The following SUGCT variants were observed in gnomAD, a reference collection of about 807,000 sequenced individuals.
SUGCT encodes succinyl-CoA:glutarate-CoA transferase.
A neutral mutation model predicts 55.0 loss-of-function variants in SUGCT; 41 were observed. The ratio of observed to expected loss-of-function variants is 0.74; its 90% CI spans 0.58 to 0.97. The LOEUF is 0.97. Among genes scored for constraint, SUGCT ranks in the 50% least tolerant of loss-of-function variants. SUGCT has a pLI of 0.00. For synonymous variants in SUGCT, 187 were observed against 200.4 expected (o/e 0.93, Z 0.56); for missense variants, 568 against 547.8 (o/e 1.04, Z -0.37).
chr7:40,850,865 A>C (rs566984126), intron 13 of SUGCT, among the ~76,000 whole-genome samples: 6 of 152,366 alleles, frequency 3.9e-5, no homozygotes, highest in African/African-American at 1.4e-4. Context: ...GTCTGAAATT[A>C]GCAGGTGATC....
intron 11 of SUGCT, among the ~76,000 whole-genome samples, chr7:40,473,982 A>G (rs959025757): frequency 8.6e-5 from 13 of 151,740 alleles, no homozygotes; most frequent in African/African-American, 3.2e-4. Context: ...TCTCTCTCTC[A>G]GCTACTATTA....
the SUGCT span, among the ~76,000 whole-genome samples, chr7:41,025,531 A>G: frequency 0.1 from 15,677 of 151,950 alleles, 1,723 homozygotes; most frequent in African/African-American, 0.27. Context: ...CACCACTACT[A>G]AAAATAGTAG....
intron 13 of SUGCT, among the ~76,000 whole-genome samples, chr7:40,837,119 T>C (rs1793024961): frequency 6.6e-6 from 1 of 152,218 alleles, no homozygotes; most frequent in South Asian, 2.1e-4. Flanking sequence ...CAATATTCCT[T>C]ATTTTAGTCA....
chr7:40,845,543 A>C (rs1258143956), intron 13 of SUGCT, among the ~76,000 whole-genome samples: 1 of 152,188 alleles, frequency 6.6e-6, no homozygotes, highest in Non-Finnish European at 1.5e-5. Flanking sequence ...ATTTTCAGAG[A>C]TAGGACTGTG....
chr7:40,984,449 A>T, the SUGCT span, among the ~76,000 whole-genome samples: 1 of 152,170 alleles, frequency 6.6e-6, no homozygotes, highest in Non-Finnish European at 1.5e-5. Flanking sequence ...CATACAGGTG[A>T]TGAAGCCAGA....
chr7:40,413,537 T>TAATTGTATTGTA (rs1786807494), intron 9 of SUGCT, among the ~76,000 whole-genome samples: 2 of 152,194 alleles, frequency 1.3e-5, no homozygotes, highest in African/African-American at 4.8e-5. Flanking sequence ...GGAATGTACA[T>TAATTGTATTGTA]TTTAAATGCA....
chr7:40,862,324 G>A (rs536348714), downstream of SUGCT, among the ~76,000 whole-genome samples: 154 of 152,246 alleles, frequency 1.0e-3, no homozygotes, highest in Middle Eastern at 3.4e-3. Flanking sequence ...CTCCACCTAC[G>A]CAAGTCAAAA....
intron 12 of SUGCT, among the ~76,000 whole-genome samples, chr7:40,713,076 G>T (rs1785809968): frequency 6.6e-6 from 1 of 152,190 alleles, no homozygotes; most frequent in Non-Finnish European, 1.5e-5. Flanking sequence ...GAGGAGGAGG[G>T]GGTGCGGTTG....
intron 6 of SUGCT, among the ~76,000 whole-genome samples, chr7:40,196,457 T>C (rs1055086747): frequency 6.6e-5 from 10 of 152,038 alleles, no homozygotes; most frequent in Non-Finnish European, 1.3e-4. Flanking sequence ...TAGGTTAGGG[T>C]GATAGATAGT....
At chr7:40,723,882 C>T (rs1786476146) in intron 12 of SUGCT, among the ~76,000 whole-genome samples, 1 of 152,158 alleles carries the variant, frequency 6.6e-6, no homozygotes, top group African/African-American at 2.4e-5. Flanking sequence ...CCAGTTCCTA[C>T]CACCTAGCAG....
the SUGCT span, among the ~76,000 whole-genome samples, chr7:40,956,983 C>G: frequency 7.2e-5 from 11 of 151,950 alleles, no homozygotes; most frequent in African/African-American, 2.7e-4. Flanking sequence ...GTCTGAGAGA[C>G]AGTTTGTTAT....
At chr7:40,857,559 A>G (rs1449666305) in intron 13 of SUGCT, among the ~76,000 whole-genome samples, 1 of 106,842 alleles carries the variant, frequency 9.4e-6, no homozygotes, top group African/African-American at 3.6e-5. Flanking sequence ...GGAAGCTACC[A>G]GAAAAGTATG....
intron 12 of SUGCT, among the ~76,000 whole-genome samples, chr7:40,739,214 G>A (rs866939952): frequency 1.4e-4 from 21 of 152,028 alleles, no homozygotes; most frequent in African/African-American, 4.8e-4. Context: ...CTCTCCTGCT[G>A]CCCTTTTATA....
At chr7:40,443,336 C>G (rs1289059368) in intron 9 of SUGCT, among the ~76,000 whole-genome samples, 1 of 152,200 alleles carries the variant, frequency 6.6e-6, no homozygotes, top group African/African-American at 2.4e-5. Context: ...TACAGTCCCA[C>G]CAACAGTGTA....
chr7:40,523,188 A>C (rs1245712383), intron 12 of SUGCT, among the ~76,000 whole-genome samples: 1 of 151,992 alleles, frequency 6.6e-6, no homozygotes, highest in Non-Finnish European at 1.5e-5. Context: ...TTTTTATATG[A>C]TATTATTGGA....
chr7:40,782,114 A>G (rs1789783096), intron 13 of SUGCT, among the ~76,000 whole-genome samples: 1 of 152,048 alleles, frequency 6.6e-6, no homozygotes, highest in Non-Finnish European at 1.5e-5. Context: ...TTTACAGAAC[A>G]ATGGGAAAAA....
the SUGCT span, among the ~76,000 whole-genome samples, chr7:40,990,219 G>A: frequency 1.3e-5 from 2 of 152,194 alleles, no homozygotes; most frequent in Non-Finnish European, 1.5e-5. Flanking sequence ...GCACAAAAAC[G>A]ACATTAATCT....
At chr7:40,413,946 A>T (rs1278136451) in intron 9 of SUGCT, among the ~76,000 whole-genome samples, 1 of 152,142 alleles carries the variant, frequency 6.6e-6, no homozygotes, top group African/African-American at 2.4e-5. Flanking sequence ...CCATGACTGC[A>T]TTCTTTTTTT....
At chr7:40,504,719 C>T (rs1258832283) in intron 12 of SUGCT, among the ~76,000 whole-genome samples, 1 of 152,170 alleles carries the variant, frequency 6.6e-6, no homozygotes. Flanking sequence ...CAGGTGTGAG[C>T]CACCGTGCCC....
Sources: allele counts gnomAD v4.1 joint callset (sites outside exome capture counted in the v4.1 genomes callset), GRCh38; gene constraint gnomAD v4.1.1; transcripts MANE v1.5; gene names NCBI Gene and HGNC (gene_info 2026-07-23, HGNC 2026-07-21).